Variants in AP2A2 observed in about 807,000 individuals in gnomAD.
The protein encoded by AP2A2 is AP-2 complex subunit alpha-2.
A neutral mutation model predicts 104.2 loss-of-function variants in AP2A2; 32 were observed. The ratio of observed to expected loss-of-function variants is 0.31; its 90% CI spans 0.23 to 0.41. AP2A2 has a LOEUF of 0.41. Among genes scored for constraint, AP2A2 ranks in the 10% least tolerant of loss-of-function variants. The pLI is 1.00. For missense variants in AP2A2, 912 were observed against 1,261.0 expected, an observed-to-expected ratio of 0.72 and a Z score of 4.19; for synonymous variants, 539 against 533.3, an observed-to-expected ratio of 1.01 and a Z score of -0.15.
chr11:1,008,645 C>A, intron 18 of AP2A2: 1 of 212,966 alleles, frequency 4.7e-6, no homozygotes, highest in Non-Finnish European at 9.3e-6. Context: ...ACAGTCAGCC[C>A]GTCCCCTGCT....
At chr11:959,310 G>C in intron 1 of AP2A2, 127 bp from the exon 2 acceptor site, 1 of 692,046 alleles carries the variant, frequency 1.4e-6, no homozygotes, top group Non-Finnish European at 2.5e-6. Context: ...TGTCTGCTTC[G>C]GCTTTTCTCC....
At chr11:970,874 C>T (rs1214166049) in intron 3 of AP2A2, among the ~76,000 whole-genome samples, 3 of 152,256 alleles carry the variant, frequency 2.0e-5, no homozygotes, top group East Asian at 1.9e-4. Context: ...ACCATCTCCC[C>T]AGCCCTTGCC....
intron 1 of AP2A2, chr11:956,648 A>G (rs1480521411): frequency 2.0e-5 from 3 of 152,284 alleles, no homozygotes; most frequent in East Asian, 3.9e-4. Context: ...ACGTGGTCTC[A>G]TCTCTCTCCC....
chr11:984,548 C>A, intron 6 of AP2A2, 97 bp from the exon 7 acceptor site: 2 of 1,022,298 alleles, frequency 2.0e-6, no homozygotes, highest in Non-Finnish European at 3.0e-6. Flanking sequence ...TTTTCCAGCT[C>A]AGGCGTGACC....
At chr11:1,010,481 G>A in intron 21 of AP2A2, 67 bp from the exon 22 acceptor site, 9 of 1,349,706 alleles carry the variant, frequency 6.7e-6, no homozygotes, top group South Asian at 1.3e-5. Flanking sequence ...TCTGCATGGC[G>A]GATCCTGGAC....
At chr11:953,938 G>A (rs1337478380) in intron 1 of AP2A2, among the ~76,000 whole-genome samples, 1 of 151,632 alleles carries the variant, frequency 6.6e-6, no homozygotes, top group East Asian at 1.9e-4. Flanking sequence ...GGGTTCAAGC[G>A]ATTCTTCTGC....
At chr11:1,008,892 G>A (rs1590025218) in intron 18 of AP2A2, 1 of 584,306 alleles carries the variant, frequency 1.7e-6, no homozygotes, top group Non-Finnish European at 3.0e-6. Context: ...TCCTGCCTGA[G>A]TATGCGGCCC....
intron 1 of AP2A2, among the ~76,000 whole-genome samples, chr11:938,337 AC>A (rs1234835206): frequency 6.6e-6 from 1 of 151,814 alleles, no homozygotes; most frequent in East Asian, 1.9e-4. Flanking sequence ...TATCCCGTTA[AC>A]CCCTTGTAGT....
intron 1 of AP2A2, among the ~76,000 whole-genome samples, chr11:927,340 C>G (rs1423568761): frequency 6.6e-6 from 1 of 152,118 alleles, no homozygotes; most frequent in African/African-American, 2.4e-5. Context: ...CCTGGGGTTA[C>G]TGGCGTGAGC....
chr11:1,000,633 GGGGCTGCCGTGC>G, intron 15 of AP2A2, 35 bp downstream of exon 15: 1 of 1,525,222 alleles, frequency 6.6e-7, no homozygotes, highest in Non-Finnish European at 8.8e-7. Flanking sequence ...AGACAGGCAC[GGGGCTGCCGTGC>G]CCCCTGACTT....
chr11:938,632 G>A (rs975452455), intron 1 of AP2A2, among the ~76,000 whole-genome samples: 24 of 151,870 alleles, frequency 1.6e-4, no homozygotes, highest in Middle Eastern at 3.4e-3. Flanking sequence ...CCGCCACCAC[G>A]CCTGGCTAAT....
chr11:970,379 C>A, intron 3 of AP2A2, 68 bp downstream of exon 3: 2 of 1,558,732 alleles, frequency 1.3e-6, no homozygotes, highest in Non-Finnish European at 1.7e-6. Flanking sequence ...GCCCGGTGCC[C>A]GTGTAGGGCC....
chr11:988,459 G>A lies in AP2A2; in HGVS notation c.1132-93G>A, dbSNP rs1325157502. 7.5e-6 allele frequency: 11 copies of A among 1,468,340 alleles called. No individual in the cohort carries two copies. In the South Asian group the frequency reaches 8.5e-5, roughly 11 times the overall value. The allele number at this position is 1,468,340 out of a possible 1,614,324, so 91.0% of individuals were successfully genotyped here. A position where few individuals can be genotyped will look rare whatever the true frequency, so the allele number is the denominator to read the frequency against. On this transcript the variant is annotated intron_variant, in intron 9 of 21. Coordinates refer to ENST00000448903, the MANE Select transcript of AP2A2 (RefSeq NM_012305.4). ...GTGCATGTGAGGGAAACTCAGAGTG[G>A]GTGTTGAGATGCGGGTGCCGAGCCT...
intron 1 of AP2A2, among the ~76,000 whole-genome samples, chr11:950,694 A>G (rs989576157): frequency 6.6e-6 from 1 of 152,182 alleles, no homozygotes; most frequent in Non-Finnish European, 1.5e-5. Context: ...TGAAATGGCA[A>G]CCTGAGAATG....
intron 5 of AP2A2, 126 bp from the exon 6 acceptor site, chr11:981,072 C>G: frequency 1.4e-6 from 1 of 690,854 alleles, no homozygotes; most frequent in Non-Finnish European, 2.4e-6. Context: ...CGGAGTAGGC[C>G]TGAGGCCGAG....
chr11:969,521 G>A (rs1457344740), intron 2 of AP2A2, among the ~76,000 whole-genome samples: 2 of 152,032 alleles, frequency 1.3e-5, no homozygotes, highest in Non-Finnish European at 2.9e-5. Flanking sequence ...CCACCGTGCC[G>A]GGCCCAGAAT....
chr11:981,128 T>C (rs1383002817), intron 5 of AP2A2, 70 bp from the exon 6 acceptor site: 2 of 1,382,664 alleles, frequency 1.4e-6, no homozygotes, highest in African/African-American at 2.9e-5. Flanking sequence ...TAAGGTTTTC[T>C]TTGGAAGATG....
intron 1 of AP2A2, among the ~76,000 whole-genome samples, chr11:927,355 G>A (rs7396951): frequency 0.48 from 72,770 of 151,844 alleles, 18,371 homozygotes; most frequent in Middle Eastern, 0.65. Flanking sequence ...GTGAGCCACG[G>A]CACCCTCATA....
In AP2A2 at chr11:1,011,916, C is replaced by A. The variant is rs1856448288; in HGVS notation, c.*1291C>A. 1 of 189,280 alleles carries A rather than the reference C, an allele frequency of 5.3e-6. No individual in the cohort carries two copies. The highest frequency in any genetic ancestry group is 1.1e-5 in the Non-Finnish European group (1 of 91,272). 11.7% of individuals were successfully genotyped at this position (189,280 alleles called of 1,614,324 possible). ...TTCTTCCGGCGTGTCGGGCTTTGAT[C>A]ACAGCATAGCCACGTCAGTGGCGTG... On this transcript the variant is annotated 3_prime_UTR_variant, in exon 22 of 22. Transcript: ENST00000448903.
Sources: gnomAD v4.1 joint callset for allele counts (sites outside exome capture counted in the v4.1 genomes callset) on GRCh38, gnomAD v4.1.1 for gene constraint, MANE v1.5 for transcripts, NCBI Gene and HGNC (gene_info 2026-07-23, HGNC 2026-07-21) for gene names.